Variants in TENM3 observed in about 807,000 individuals in gnomAD.
TENM3 encodes teneurin-3.
TENM3 carries 63 observed loss-of-function variants against 255.1 expected under a neutral mutation model. That is an observed-to-expected ratio of 0.25 (90% CI 0.20 to 0.30). The LOEUF (loss-of-function observed/expected upper bound fraction) is 0.30. Among genes scored for constraint, TENM3 ranks in the 10% least tolerant of loss-of-function variants. The pLI, the probability that TENM3 is intolerant of heterozygous loss-of-function variation, is 1.00. For synonymous variants in TENM3, 1,306 were observed against 1,322.3 expected (o/e 0.99, Z 0.27); for missense variants, 2,929 against 3,461.1 (o/e 0.85, Z 3.86).
the TENM3 span, among the ~76,000 whole-genome samples, chr4:182,073,737 A>G: frequency 6.6e-6 from 1 of 152,184 alleles, no homozygotes; most frequent in Non-Finnish European, 1.5e-5. Flanking sequence ...TTCTCTGTGT[A>G]ACTACTCAGT....
At chr4:182,548,277 C>A (rs867141423) in intron 3 of TENM3, among the ~76,000 whole-genome samples, 1 of 152,020 alleles carries the variant, frequency 6.6e-6, no homozygotes, top group East Asian at 1.9e-4. Context: ...AAAGACCGCC[C>A]GTGACTCATG....
the TENM3 span, among the ~76,000 whole-genome samples, chr4:181,882,946 A>G: frequency 1.3e-5 from 2 of 152,164 alleles, no homozygotes; most frequent in Non-Finnish European, 2.9e-5. Flanking sequence ...AACAACCACC[A>G]TTGTCAAATT....
At chr4:181,782,851 T>C in the TENM3 span, among the ~76,000 whole-genome samples, 1 of 152,220 alleles carries the variant, frequency 6.6e-6, no homozygotes, top group Non-Finnish European at 1.5e-5. Context: ...AAAGAACATC[T>C]TTATTTCTGC....
intron 3 of TENM3, among the ~76,000 whole-genome samples, chr4:182,569,089 A>G (rs527542552): frequency 1.3e-5 from 2 of 152,370 alleles, no homozygotes; most frequent in East Asian, 3.9e-4. Flanking sequence ...AGGCACACAC[A>G]GTTGTCAAAT....
intron 15 of TENM3, 68 bp downstream of exon 15, chr4:182,730,387 T>C: frequency 6.4e-7 from 1 of 1,557,490 alleles, no homozygotes; most frequent in East Asian, 2.3e-5. Flanking sequence ...CCTGTACCAC[T>C]GTCATGTTTG....
chr4:182,621,999 G>A (rs1750322861), intron 4 of TENM3, among the ~76,000 whole-genome samples: 1 of 150,612 alleles, frequency 6.6e-6, no homozygotes, highest in South Asian at 2.1e-4. Context: ...CAATCACAAA[G>A]ATGTGATTTT....
chr4:182,625,634 TC>T (rs1750749941), intron 4 of TENM3, among the ~76,000 whole-genome samples: 2 of 152,152 alleles, frequency 1.3e-5, no homozygotes, highest in Admixed American at 1.3e-4. Context: ...GCAAAGATGA[TC>T]ATTTGGCCCT....
chr4:181,958,938 A>G, the TENM3 span, among the ~76,000 whole-genome samples: 7 of 152,174 alleles, frequency 4.6e-5, no homozygotes, highest in Non-Finnish European at 8.8e-5. Context: ...CAATAACTAT[A>G]TCTAGACAAT....
the TENM3 span, among the ~76,000 whole-genome samples, chr4:181,873,587 T>C: frequency 1.3e-4 from 20 of 152,358 alleles, 2 homozygotes; most frequent in African/African-American, 4.8e-4. Context: ...TCTAATTGAA[T>C]TCCACTGTCA....
intron 18 of TENM3, among the ~76,000 whole-genome samples, chr4:182,739,849 A>G (rs1036513192): frequency 3.3e-5 from 5 of 152,214 alleles, no homozygotes; most frequent in Admixed American, 2.6e-4. Flanking sequence ...CAGCCTGGCC[A>G]ACATGATAAA....
chr4:181,679,239 C>T, the TENM3 span, among the ~76,000 whole-genome samples: 1 of 152,106 alleles, frequency 6.6e-6, no homozygotes, highest in East Asian at 1.9e-4. Context: ...TTTCTGTAGC[C>T]TCATTTCCCT....
intron 13 of TENM3, among the ~76,000 whole-genome samples, chr4:182,719,492 C>A (rs1361482947): frequency 2.6e-5 from 4 of 151,830 alleles, no homozygotes; most frequent in Non-Finnish European, 5.9e-5. Flanking sequence ...AACTCCTGAC[C>A]TTGTGATCCG....
At chr4:182,248,331 GA>G (rs199981122) in intron 1 of TENM3, among the ~76,000 whole-genome samples, 74 of 151,706 alleles carry the variant, frequency 4.9e-4, no homozygotes, top group Middle Eastern at 3.4e-3. Context: ...TATTGTCAAA[GA>G]AAAAAAATGG....
chr4:181,586,228 G>A, the TENM3 span, among the ~76,000 whole-genome samples: 3 of 152,326 alleles, frequency 2.0e-5, no homozygotes, highest in East Asian at 1.9e-4. Flanking sequence ...TCTATGGTAT[G>A]TGTCGGTTCT....
intron 13 of TENM3, among the ~76,000 whole-genome samples, chr4:182,715,784 C>T (rs1759111882): frequency 6.6e-6 from 1 of 152,134 alleles, no homozygotes; most frequent in Non-Finnish European, 1.5e-5. Context: ...GACACACATA[C>T]AAGCAAGCCT....
At chr4:181,604,989 G>C in the TENM3 span, among the ~76,000 whole-genome samples, 1 of 152,168 alleles carries the variant, frequency 6.6e-6, no homozygotes. Context: ...TTTATTAAAT[G>C]ATGGCCATTA....
chr4:182,442,517 A>G (rs1772569161), intron 3 of TENM3, among the ~76,000 whole-genome samples: 1 of 152,200 alleles, frequency 6.6e-6, no homozygotes. Context: ...AAACAATCAA[A>G]ACAAAGTACT....
chr4:181,665,572 A>G, the TENM3 span, among the ~76,000 whole-genome samples: 2 of 152,076 alleles, frequency 1.3e-5, no homozygotes, highest in Non-Finnish European at 2.9e-5. Flanking sequence ...GTGTGTGTAT[A>G]TATACAAATT....
chr4:182,462,070 T>G (rs56179244), intron 3 of TENM3, among the ~76,000 whole-genome samples: 21 of 34,422 alleles, frequency 6.1e-4, no homozygotes, highest in South Asian at 3.0e-3. Context: ...CCTCTGAGCT[T>G]TTTTTTTTTT....
Sources: gnomAD v4.1 joint callset for allele counts (sites outside exome capture counted in the v4.1 genomes callset) on GRCh38, gnomAD v4.1.1 for gene constraint, MANE v1.5 for transcripts, NCBI Gene and HGNC (gene_info 2026-07-23, HGNC 2026-07-21) for gene names.